FDFT1: variants seen among roughly 807,000 people sequenced by gnomAD.
FDFT1 encodes squalene synthase.
In FDFT1, 68 loss-of-function variants were observed where a neutral mutation model predicts 46.8. The observed-to-expected ratio is 1.45, with a 90% CI of 1.19 to 1.78. FDFT1 has a LOEUF of 1.78. Among genes scored for constraint, FDFT1 ranks in the 40% most tolerant of loss-of-function variants. The pLI is 0.00. For synonymous variants in FDFT1, 351 were observed against 185.1 expected (o/e 1.90, Z -7.28); for missense variants, 928 against 524.4 (o/e 1.77, Z -7.52).
chr8:11,836,174 A>G (rs967317515), intron 7 of FDFT1, among the ~76,000 whole-genome samples: 3 of 151,910 alleles, frequency 2.0e-5, no homozygotes, highest in East Asian at 1.9e-4. Flanking sequence ...AAAATCTACA[A>G]TATACCAAAA....
At chr8:11,821,636 T>A (rs891905723) in intron 3 of FDFT1, 114 bp from the exon 4 acceptor site, 2 of 1,259,628 alleles carry the variant, frequency 1.6e-6, no homozygotes, top group Non-Finnish European at 2.3e-6. Context: ...TAAATTAGGC[T>A]TATAGATGAA....
chr8:11,820,332 C>T (rs1012233785), intron 3 of FDFT1, among the ~76,000 whole-genome samples: 16 of 152,176 alleles, frequency 1.1e-4, no homozygotes, highest in Admixed American at 2.0e-4. Flanking sequence ...GCAGTCTGTC[C>T]GTTACTGGAG....
intron 4 of FDFT1, among the ~76,000 whole-genome samples, chr8:11,825,667 AAT>A (rs201215299): frequency 0.013 from 1,985 of 151,312 alleles, 46 homozygotes; most frequent in African/African-American, 0.045. Context: ...AACGTGGGCA[AAT>A]ATATGAGACT....
rs1166650417 is a variant in FDFT1, at chr8:11,802,923, A to C, written c.91A>C (p.Met31Leu). The stretch of plus-strand genomic sequence containing the variant: ...GGGCAAGCGGAAGGTGATGCCCAAG[A>C]TGGACCAGGTGGGCCGAGCCTCCCT... ...IGGKRKVMPKMDQDSLSSSLK... is the reference protein window; with the variant it reads ...IGGKRKVMPKLDQDSLSSSLK... The change falls in exon 1 of 8, where the codon ATG (methionine) becomes CTG (leucine). Residue 31 changes from methionine to leucine, a missense_variant. By Grantham distance (15) the Met-to-Leu change is conservative (BLOSUM62 2). Transcript: ENST00000220584. The C allele has an allele frequency of 2.5e-6, 4 of 1,608,028 alleles. No homozygotes were observed. Among genetic ancestry groups the C allele is most frequent in the Non-Finnish European group, 2.5e-6 (3 of 1,177,296 alleles).
intron 3 of FDFT1, among the ~76,000 whole-genome samples, chr8:11,811,196 C>CTCTCATCCTCTGTGAGATTTG (rs1563306047): frequency 6.6e-6 from 1 of 152,184 alleles, no homozygotes; most frequent in Non-Finnish European, 1.5e-5. Flanking sequence ...TCTCACAGGA[C>CTCTCATCCTCTGTGAGATTTG]ACCTGATGAC....
At chr8:11,827,225 C>T (rs1810118894) in intron 5 of FDFT1, among the ~76,000 whole-genome samples, 1 of 151,840 alleles carries the variant, frequency 6.6e-6, no homozygotes, top group Admixed American at 6.6e-5. Flanking sequence ...CTTATAATCC[C>T]AGTGCTGAGG....
upstream of FDFT1, among the ~76,000 whole-genome samples, chr8:11,799,534 C>A (rs1226098647): frequency 6.6e-6 from 1 of 152,204 alleles, no homozygotes; most frequent in Non-Finnish European, 1.5e-5. Context: ...CTTATGATCT[C>A]TGTTTTAATG....
intron 1 of FDFT1, among the ~76,000 whole-genome samples, chr8:11,804,429 CTT>C (rs1250343553): frequency 6.6e-6 from 1 of 152,062 alleles, no homozygotes; most frequent in Non-Finnish European, 1.5e-5. Context: ...AAAAGCGAGA[CTT>C]GAGCTATTCT....
At chr8:11,819,253 C>G (rs1398014905) in intron 3 of FDFT1, among the ~76,000 whole-genome samples, 2 of 152,162 alleles carry the variant, frequency 1.3e-5, no homozygotes, top group Non-Finnish European at 2.9e-5. Context: ...GTGGGTAACC[C>G]GACCTTTCTC....
chr8:11,798,435 G>A (rs181072045), upstream of FDFT1, among the ~76,000 whole-genome samples: 176 of 152,034 alleles, frequency 1.2e-3, no homozygotes, highest in Non-Finnish European at 2.1e-3. Context: ...ACATGGTTTG[G>A]GAAAGAAGAT....
intron 5 of FDFT1, among the ~76,000 whole-genome samples, chr8:11,829,787 C>G (rs1006042603): frequency 3.3e-5 from 5 of 151,832 alleles, no homozygotes; most frequent in African/African-American, 1.2e-4. Flanking sequence ...ACTTGATCTT[C>G]GTGAAAGATG....
intron 1 of FDFT1, among the ~76,000 whole-genome samples, chr8:11,804,600 C>CTTT (rs5889385): frequency 0.025 from 2,433 of 97,228 alleles, 123 homozygotes; most frequent in Admixed American, 0.045. Context: ...CTTAGTTTCT[C>CTTT]TTTTTTTTTT....
rs796490591 is a variant in FDFT1 at position 11,831,740 on chromosome 8, C to G, written c.1032+70C>G. On this transcript the variant is annotated intron_variant, in intron 7 of 7. Coordinates refer to ENST00000220584, the MANE Select transcript of FDFT1 (RefSeq NM_004462.5). The stretch of plus-strand genomic sequence containing the variant: ...TGATTTAGTAATGTCACTGTTTAAC[C>G]AGGTTTGGATATTAGATGATCCTAA... The G allele has an allele frequency of 6.2e-6, 8 of 1,295,238 alleles. No homozygotes were observed. In the African/African-American group the frequency reaches 7.2e-5, roughly 12 times the overall value. The allele number at this position is 1,295,238 out of a possible 1,614,324, so 80.2% of individuals were successfully genotyped here.
chr8:11,800,059 A>G (rs1260013927), upstream of FDFT1, among the ~76,000 whole-genome samples: 1 of 151,438 alleles, frequency 6.6e-6, no homozygotes, highest in African/African-American at 2.4e-5. Context: ...CAGGAGTTCA[A>G]GACCAGTCTG....
upstream of FDFT1, chr8:11,802,513 C>G (rs755064423): frequency 4.6e-5 from 24 of 517,960 alleles, no homozygotes; most frequent in Non-Finnish European, 4.5e-5. Flanking sequence ...GCTCGTCGGC[C>G]TCTTTCTCGG....
At chr8:11,819,340 C>T (rs896172937) in intron 3 of FDFT1, among the ~76,000 whole-genome samples, 1 of 152,114 alleles carries the variant, frequency 6.6e-6, no homozygotes, top group Non-Finnish European at 1.5e-5. Context: ...GATTGCGCTT[C>T]TCGAGGAATA....
intron 2 of FDFT1, 49 bp from the exon 3 acceptor site, chr8:11,809,618 A>G (rs766342095): frequency 5.3e-6 from 8 of 1,515,572 alleles, no homozygotes; most frequent in Non-Finnish European, 6.2e-6. Context: ...AAAATAAAAA[A>G]TCTTTGGCTG....
At chr8:11,805,261 C>T (rs2686199) in intron 1 of FDFT1, among the ~76,000 whole-genome samples, 151,316 of 152,286 alleles carry the variant, frequency 0.99, 75,188 homozygotes, top group Middle Eastern at 1. Context: ...TTAGCAGATA[C>T]TGAGGGCTGA....
chr8:11,820,944 C>T (rs998644596), intron 3 of FDFT1, among the ~76,000 whole-genome samples: 8 of 152,360 alleles, frequency 5.3e-5, no homozygotes, highest in African/African-American at 1.4e-4. Context: ...CACCCATCTT[C>T]TGCATCGATC....
Sources: gnomAD v4.1 joint callset for allele counts (sites outside exome capture counted in the v4.1 genomes callset) on GRCh38, gnomAD v4.1.1 for gene constraint, MANE v1.5 for transcripts, NCBI Gene and HGNC (gene_info 2026-07-23, HGNC 2026-07-21) for gene names.